The following MYOF variants were observed in gnomAD, a reference collection of about 807,000 sequenced individuals.
MYOF encodes fer-1-like 3, myoferlin.
MYOF carries 244 observed loss-of-function variants against 284.2 expected under a neutral mutation model. The observed-to-expected ratio is 0.86, with a 90% confidence interval of 0.77 to 0.95. MYOF has a LOEUF of 0.95. MYOF is among the 40% of genes least tolerant of loss of function. The probability of loss-of-function intolerance (pLI) is 0.00; values close to 1 mark genes in which losing one functional copy is unlikely to be tolerated. For synonymous variants in MYOF, 904 were observed against 919.7 expected (o/e 0.98, Z 0.31); for missense variants, 2,496 against 2,560.6 (o/e 0.97, Z 0.54).
Position 93,323,151 on chromosome 10 carries a change from A to C in MYOF, c.5383T>G (p.Trp1795Gly). ...TCCAAGATAACGTCCTTGGTGTTCC[A>C]GATGATCACACGCAGGTAGTATCTG... The part of the protein sequence containing the change: ...AKKYYLRVII[W>G]NTKDVILDEK... Residue 1795 changes from tryptophan to glycine, a missense_variant, in exon 48 of 54, where the codon TGG (tryptophan) becomes GGG (glycine). By Grantham distance (184) the Trp-to-Gly change is radical. Transcript: ENST00000359263. 1.2e-6 allele frequency: 2 copies of C among 1,614,150 alleles called. No individual in the cohort carries two copies.
At position 93,310,187 on chromosome 10, in the gene MYOF, T is replaced by C; in HGVS notation, c.6000-20A>G. Reference sequence around the variant, plus strand: ...GGTCGACTGCATTGCAAAGAAACAGTATCACCTACCCAACTCAGGAGGGAT... The same window carrying C: ...GGTCGACTGCATTGCAAAGAAACAGCATCACCTACCCAACTCAGGAGGGAT... On this transcript the variant is annotated intron_variant, in intron 52 of 53. Transcript: ENST00000359263. 6.2e-7 allele frequency: 1 copy of C among 1,612,752 alleles called. No homozygotes were observed.
At chr10:93,424,571 G>A (rs995266175) in intron 5 of MYOF, among the ~76,000 whole-genome samples, 1 of 152,194 alleles carries the variant, frequency 6.6e-6, no homozygotes, top group Non-Finnish European at 1.5e-5. Flanking sequence ...TCAGGGTGCC[G>A]CTAGGAAGAG....
intron 7 of MYOF, among the ~76,000 whole-genome samples, chr10:93,406,006 G>A (rs916097467): frequency 1.3e-5 from 2 of 151,338 alleles, no homozygotes; most frequent in Admixed American, 1.3e-4. Context: ...CACCCAGGCT[G>A]GAGTGCAGTG....
intron 19 of MYOF, among the ~76,000 whole-genome samples, chr10:93,383,400 A>C (rs1345479469): frequency 6.6e-6 from 1 of 152,136 alleles, no homozygotes; most frequent in Non-Finnish European, 1.5e-5. Flanking sequence ...CTCTCTAAAC[A>C]CTGGTTTGTA....
At chr10:93,399,621 C>T in intron 12 of MYOF, 126 bp from the exon 13 acceptor site, 1 of 639,556 alleles carries the variant, frequency 1.6e-6, no homozygotes, top group Non-Finnish European at 2.7e-6. Context: ...TGCCTGTAAT[C>T]CCAGGACTTT....
In MYOF at chr10:93,397,664, C is replaced by G. The variant is rs143036194; in HGVS notation, c.1222-208G>C. ...CGAGGCACTAGGAGCTTGCTTTTAA[C>G]CTTTTTTTAATTAGTTTTCAATTGT... On this transcript the variant is annotated intron_variant, in intron 13 of 53. Coordinates refer to ENST00000359263, the MANE Select transcript of MYOF (RefSeq NM_013451.4). 9.4e-3 allele frequency among the ~76,000 whole-genome samples: 1,428 copies of G among 151,584 alleles called. 20 individuals carry two copies. The highest frequency in any genetic ancestry group is 0.054 in the Middle Eastern group (16 of 294).
rs1332969218 is a variant in MYOF, at chr10:93,396,161, G to A, written c.1398C>T (p.Ala466=). The change falls in exon 16 of 54, where the codon GCC becomes GCT. Residue 466 remains alanine, a synonymous_variant. Transcript: ENST00000359263. ...ACTTACCTTCCACTTCCCCACCAGA[G>A]GCAGCAATTTTAGAGAGGTGTAGAT... ...TTYLHLSKIA[A]SGGEVEDFSS... is the part of the protein sequence containing the mutation. 1.2e-6 allele frequency: 2 copies of A among 1,608,960 alleles called. No homozygotes were observed. Among genetic ancestry groups the A allele is most frequent in the Admixed American group, 3.3e-5 (2 of 59,756 alleles).
intron 5 of MYOF, among the ~76,000 whole-genome samples, chr10:93,420,574 G>A (rs890847732): frequency 1.3e-5 from 2 of 152,236 alleles, no homozygotes; most frequent in African/African-American, 4.8e-5. Context: ...TGTGATCATA[G>A]CTAGCTTCTA....
At chr10:93,405,794 A>ATTTTTTTTTT (rs3866906) in intron 7 of MYOF, among the ~76,000 whole-genome samples, 1 of 113,798 alleles carries the variant, frequency 8.8e-6, no homozygotes, top group East Asian at 2.5e-4. Flanking sequence ...ACAGGCTAGG[A>ATTTTTTTTTT]TTTTTTTTTT....
chr10:93,347,987 TGCCACCATG>T (rs1486795714), intron 36 of MYOF, among the ~76,000 whole-genome samples: 1 of 152,258 alleles, frequency 6.6e-6, no homozygotes, highest in East Asian at 1.9e-4. Context: ...ATCCTGGCAC[TGCCACCATG>T]AACTACCTGG....
chr10:93,377,707 G>A (rs1045185678), intron 21 of MYOF, among the ~76,000 whole-genome samples: 18 of 150,866 alleles, frequency 1.2e-4, no homozygotes, highest in Non-Finnish European at 3.0e-5. Flanking sequence ...TTGTTAAAAG[G>A]CAGAAAAAAA....
At chr10:93,369,033 TTTCA>T (rs1188762027) in intron 25 of MYOF, among the ~76,000 whole-genome samples, 1 of 151,750 alleles carries the variant, frequency 6.6e-6, no homozygotes, top group Non-Finnish European at 1.5e-5. Flanking sequence ...TAATGAGACT[TTTCA>T]TTAACTACAT....
chr10:93,370,940 A>G (rs1375393868), intron 24 of MYOF, among the ~76,000 whole-genome samples: 2 of 152,216 alleles, frequency 1.3e-5, no homozygotes, highest in Non-Finnish European at 2.9e-5. Context: ...GGTGATGACA[A>G]AATTCCAGCT....
At position 93,407,106 on chromosome 10, in the gene MYOF, A is replaced by G. The variant is rs150051296; in HGVS notation, c.729+1681T>C. Among the ~76,000 whole-genome samples the G allele has an allele frequency of 2.3e-3, 356 of 152,220 alleles. 2 individuals are homozygous for G. The highest frequency in any genetic ancestry group is 8.0e-3 in the African/African-American group (332 of 41,558). On this transcript the variant is annotated intron_variant, in intron 7 of 53. Transcript: ENST00000359263. ...CATGTATTTTTGAGGAGTGTTATAA[A>G]AGAGGGCAGTAGAACAGGCTAAGTT... is the stretch of plus-strand genomic sequence containing the variant.
chr10:93,358,000 A>G (rs1257081411), intron 29 of MYOF, among the ~76,000 whole-genome samples: 1 of 152,250 alleles, frequency 6.6e-6, no homozygotes, highest in African/African-American at 2.4e-5. Context: ...AGAAACTATC[A>G]TCAGAGTGAA....
intron 5 of MYOF, among the ~76,000 whole-genome samples, chr10:93,410,022 C>T (rs373802298): frequency 5.3e-5 from 8 of 152,290 alleles, no homozygotes; most frequent in African/African-American, 1.7e-4. Flanking sequence ...GAGATGGCAC[C>T]GTTGGACCCA....
chr10:93,463,524 C>T (rs528111579), intron 1 of MYOF, among the ~76,000 whole-genome samples: 46 of 150,526 alleles, frequency 3.1e-4, no homozygotes, highest in African/African-American at 1.0e-3. Context: ...CTCAGCCTGC[C>T]GAGTAGCTGA....
chr10:93,310,899 C>T (rs939089469), intron 51 of MYOF, among the ~76,000 whole-genome samples: 1 of 152,118 alleles, frequency 6.6e-6, no homozygotes, highest in Non-Finnish European at 1.5e-5. Context: ...CTCACTCTAA[C>T]ATTCTCACAT....
intron 1 of MYOF, among the ~76,000 whole-genome samples, chr10:93,472,848 G>T (rs2134392460): frequency 6.6e-6 from 1 of 152,238 alleles, no homozygotes; most frequent in Admixed American, 6.5e-5. Flanking sequence ...TGTCCCCCAG[G>T]ACTCTGTATG....
Sources: allele counts gnomAD v4.1 joint callset (sites outside exome capture counted in the v4.1 genomes callset), GRCh38; gene constraint gnomAD v4.1.1; transcripts MANE v1.5; gene names NCBI Gene and HGNC (gene_info 2026-07-23, HGNC 2026-07-21).